Variants in PPP2R2C observed in about 807,000 individuals in gnomAD.
PPP2R2C encodes the protein protein phosphatase 2 regulatory subunit Bgamma.
A neutral mutation model predicts 45.3 loss-of-function variants in PPP2R2C; 10 were observed. That is an observed-to-expected ratio of 0.22 (90% CI 0.14 to 0.37). PPP2R2C has a LOEUF of 0.37. Ranked by LOEUF, PPP2R2C falls within the 10% of genes least tolerant of loss-of-function variation. The probability of loss-of-function intolerance (pLI) is 1.00; values close to 1 mark genes in which losing one functional copy is unlikely to be tolerated. For missense variants in PPP2R2C, 308 were observed against 619.7 expected, an observed-to-expected ratio of 0.50 and a Z score of 5.34; for synonymous variants, 257 against 245.4, an observed-to-expected ratio of 1.05 and a Z score of -0.44.
chr4:6,359,624 TAAA>T (rs34585147), intron 5 of PPP2R2C, among the ~76,000 whole-genome samples: 2 of 144,008 alleles, frequency 1.4e-5, no homozygotes, highest in Admixed American at 6.9e-5. Flanking sequence ...ATTTCACCTG[TAAA>T]AAAAAAAAAA....
At position 6,413,973 on chromosome 4, in the gene PPP2R2C, CA is replaced by C. The variant is rs1718381536; in HGVS notation, c.71-32880del. 3 of 1,535,804 alleles carry C rather than the reference CA, an allele frequency of 2.0e-6. No homozygotes were observed. The Admixed American group carries it at 5.9e-5, about 30-fold the overall frequency. On this transcript the variant is annotated intron_variant, in intron 1 of 8. Coordinates refer to ENST00000382599, the MANE Select transcript of PPP2R2C (RefSeq NM_020416.4). The stretch of plus-strand genomic sequence containing the variant: ...ATGAGGCTGCTCCCTGGTGGCTCTG[CA>C]GTTGGCTACTGCCATGTTGCCAGTC...
chr4:6,375,787 C>A, intron 4 of PPP2R2C, 32 bp downstream of exon 4: 2 of 1,501,788 alleles, frequency 1.3e-6, no homozygotes, highest in Non-Finnish European at 1.8e-6. Flanking sequence ...AATAAAGAGG[C>A]GTGTGCCTGC....
chr4:6,327,697 G>GGTCCTGT (rs1732065975), intron 8 of PPP2R2C, among the ~76,000 whole-genome samples: 1 of 152,248 alleles, frequency 6.6e-6, no homozygotes, highest in South Asian at 2.1e-4. Context: ...CTAGAGAGAA[G>GGTCCTGT]GTCCTGTGTC....
chr4:6,469,869 G>A (rs903288181), intron 1 of PPP2R2C, among the ~76,000 whole-genome samples: 2 of 152,204 alleles, frequency 1.3e-5, no homozygotes, highest in Admixed American at 6.5e-5. Context: ...TTCTTGTTCC[G>A]ATCCTGCTCT....
chr4:6,385,648 C>T (rs1716156280), intron 1 of PPP2R2C, among the ~76,000 whole-genome samples: 1 of 152,160 alleles, frequency 6.6e-6, no homozygotes, highest in African/African-American at 2.4e-5. Context: ...TGGCCCACTG[C>T]AACCTGTACC....
intron 1 of PPP2R2C, among the ~76,000 whole-genome samples, chr4:6,403,824 C>A (rs1258408613): frequency 2.0e-5 from 3 of 151,102 alleles, no homozygotes; most frequent in Admixed American, 6.6e-5. Context: ...GATTGCGCCG[C>A]TGCACTCCAG....
At chr4:6,509,147 G>A (rs190270234) in intron 2 of PPP2R2C, among the ~76,000 whole-genome samples, 203 of 152,344 alleles carry the variant, frequency 1.3e-3, no homozygotes, top group African/African-American at 4.3e-3. Context: ...GAACCGCAGT[G>A]TTTAAAACAG....
intron 2 of PPP2R2C, among the ~76,000 whole-genome samples, chr4:6,481,228 G>C (rs145712677): frequency 7.2e-4 from 110 of 152,276 alleles, no homozygotes; most frequent in African/African-American, 2.5e-3. Flanking sequence ...TTTGTGTTCT[G>C]TTTTACCAAT....
At chr4:6,528,895 C>T (rs1004792612) in intron 2 of PPP2R2C, among the ~76,000 whole-genome samples, 2 of 152,204 alleles carry the variant, frequency 1.3e-5, no homozygotes, top group African/African-American at 4.8e-5. Context: ...AAAACGGCCC[C>T]ACCCCTATCT....
At chr4:6,512,389 ATGGTGG>A (rs1560595326) in intron 2 of PPP2R2C, among the ~76,000 whole-genome samples, 2 of 6,184 alleles carry the variant, frequency 3.2e-4, no homozygotes, top group Admixed American at 3.9e-3. Context: ...GGTGGTGGTG[ATGGTGG>A]TGGTGGTGAT....
chr4:6,391,025 A>T (rs556046678), intron 1 of PPP2R2C, among the ~76,000 whole-genome samples: 46 of 152,138 alleles, frequency 3.0e-4, no homozygotes, highest in African/African-American at 1.0e-3. Flanking sequence ...ATGGGCCCTG[A>T]GCTGTGCTTT....
chr4:6,379,191 G>A (rs58277260), intron 2 of PPP2R2C, among the ~76,000 whole-genome samples: 3,422 of 152,182 alleles, frequency 0.022, 136 homozygotes, highest in African/African-American at 0.078. Context: ...ATCTGTCCCC[G>A]GCTTTCCTCA....
chr4:6,467,096 A>C (rs980639868), intron 1 of PPP2R2C, among the ~76,000 whole-genome samples: 4 of 152,142 alleles, frequency 2.6e-5, no homozygotes, highest in Admixed American at 2.0e-4. Flanking sequence ...CAGCACTGAA[A>C]TGGAGCCCAC....
At chr4:6,384,380 C>T (rs978211952) in intron 1 of PPP2R2C, 2 of 985,210 alleles carry the variant, frequency 2.0e-6, no homozygotes, top group Non-Finnish European at 2.4e-6. Flanking sequence ...AGAGAATTCT[C>T]CAAAATGTGA....
At chr4:6,342,810 G>A (rs887133281) in intron 6 of PPP2R2C, among the ~76,000 whole-genome samples, 1 of 152,218 alleles carries the variant, frequency 6.6e-6, no homozygotes, top group Non-Finnish European at 1.5e-5. Context: ...GGAACAGAGT[G>A]GCCTGTGTGC....
intron 1 of PPP2R2C, among the ~76,000 whole-genome samples, chr4:6,542,806 G>A (rs1307478565): frequency 2.6e-5 from 4 of 152,026 alleles, no homozygotes; most frequent in Admixed American, 6.6e-5. Flanking sequence ...ACACTGACAC[G>A]AGAAGAAATA....
intron 1 of PPP2R2C, among the ~76,000 whole-genome samples, chr4:6,429,374 G>A (rs1331949546): frequency 6.6e-6 from 1 of 152,108 alleles, no homozygotes; most frequent in Non-Finnish European, 1.5e-5. Context: ...TGACTTTCAG[G>A]CCCTCGTACC....
intron 1 of PPP2R2C, among the ~76,000 whole-genome samples, chr4:6,543,944 G>A (rs1314928690): frequency 6.6e-6 from 1 of 152,196 alleles, no homozygotes; most frequent in Non-Finnish European, 1.5e-5. Context: ...CCCCCGAGCT[G>A]AGCTGTCAAC....
At chr4:6,543,161 C>T (rs1351157938) in intron 1 of PPP2R2C, among the ~76,000 whole-genome samples, 1 of 152,212 alleles carries the variant, frequency 6.6e-6, no homozygotes, top group African/African-American at 2.4e-5. Context: ...CATCTGGGCC[C>T]AAGGCAGGAC....
Sources: gnomAD v4.1 joint callset for allele counts (sites outside exome capture counted in the v4.1 genomes callset) on GRCh38, gnomAD v4.1.1 for gene constraint, MANE v1.5 for transcripts, NCBI Gene and HGNC (gene_info 2026-07-23, HGNC 2026-07-21) for gene names.